Variants in MRPS28 observed in about 807,000 individuals in gnomAD.
The protein encoded by MRPS28 is small ribosomal subunit protein bS1m.
A neutral mutation model predicts 10.8 loss-of-function variants in MRPS28; 7 were observed. The observed-to-expected ratio is 0.65, with a 90% CI of 0.37 to 1.22. MRPS28 has a LOEUF of 1.22. MRPS28 is among the 50% of genes most tolerant of loss of function. The probability of loss-of-function intolerance (pLI) is 0.02; values close to 1 mark genes in which losing one functional copy is unlikely to be tolerated. For synonymous variants in MRPS28, 121 were observed against 93.3 expected, an observed-to-expected ratio of 1.30 and a Z score of -1.71; for missense variants, 265 against 232.9, an observed-to-expected ratio of 1.14 and a Z score of -0.90.
At chr8:80,005,770 A>C (rs1391472690) in intron 1 of MRPS28, among the ~76,000 whole-genome samples, 1 of 152,216 alleles carries the variant, frequency 6.6e-6, no homozygotes, top group East Asian at 1.9e-4. Flanking sequence ...CATAGGCTCA[A>C]AATAAAGGGA....
intron 2 of MRPS28, among the ~76,000 whole-genome samples, chr8:79,930,252 T>C (rs1806427689): frequency 6.6e-6 from 1 of 152,212 alleles, no homozygotes; most frequent in African/African-American, 2.4e-5. Context: ...TATTTTAGTA[T>C]ATTAATCACT....
intron 2 of MRPS28, among the ~76,000 whole-genome samples, chr8:79,922,086 T>C (rs1404476155): frequency 2.0e-5 from 3 of 152,234 alleles, no homozygotes; most frequent in Non-Finnish European, 2.9e-5. Flanking sequence ...ATTACGTTTA[T>C]TGATTTGCTA....
chr8:79,977,671 G>C (rs1807839720), intron 2 of MRPS28, among the ~76,000 whole-genome samples: 1 of 152,056 alleles, frequency 6.6e-6, no homozygotes, highest in South Asian at 2.1e-4. Context: ...ACAAAAATTA[G>C]CCAGGTGTGG....
At chr8:79,964,897 A>C (rs1043492358) in intron 2 of MRPS28, among the ~76,000 whole-genome samples, 3 of 152,092 alleles carry the variant, frequency 2.0e-5, no homozygotes, top group African/African-American at 7.2e-5. Context: ...TGCCATATTC[A>C]TGACTACAAG....
At chr8:79,995,079 A>G (rs1182281314) in intron 2 of MRPS28, among the ~76,000 whole-genome samples, 1 of 152,134 alleles carries the variant, frequency 6.6e-6, no homozygotes, top group African/African-American at 2.4e-5. Context: ...AATGAACAGA[A>G]CTTATATGAT....
intron 1 of MRPS28, among the ~76,000 whole-genome samples, chr8:80,023,948 G>A (rs1809434282): frequency 6.6e-6 from 1 of 152,208 alleles, no homozygotes; most frequent in South Asian, 2.1e-4. Context: ...GAATGGGACG[G>A]CCTGGTGTGG....
intron 1 of MRPS28, among the ~76,000 whole-genome samples, chr8:80,021,853 C>A (rs1365145951): frequency 6.6e-6 from 1 of 152,168 alleles, no homozygotes; most frequent in Admixed American, 6.5e-5. Flanking sequence ...AGAGCCCCTG[C>A]ACCCTTACCC....
At chr8:79,934,966 T>G (rs909698282) in intron 2 of MRPS28, among the ~76,000 whole-genome samples, 1 of 152,236 alleles carries the variant, frequency 6.6e-6, no homozygotes, top group African/African-American at 2.4e-5. Flanking sequence ...TGTTAAAAAC[T>G]AGTGCTTGCA....
Position 79,918,803 on chromosome 8 carries a change from C to T in MRPS28, c.*177G>A. 3.6e-6 allele frequency: 1 copy of T among 281,134 alleles called. No individual in the cohort carries two copies. Among genetic ancestry groups the T allele is most frequent in the Non-Finnish European group, 6.0e-6 (1 of 166,734 alleles). The allele number at this position is 281,134 out of a possible 1,614,324, so 17.4% of individuals were successfully genotyped here. A position where few individuals can be genotyped will look rare whatever the true frequency, so the allele number is the denominator to read the frequency against. ...CACCAAAGGAAAAAAACATTAAGAG[C>T]AAAACAAGGGGTGGGGGGTGGGAAT... On this transcript the variant is annotated 3_prime_UTR_variant, in exon 3 of 3. Coordinates refer to ENST00000276585, the MANE Select transcript of MRPS28 (RefSeq NM_014018.3).
At position 79,947,340 on chromosome 8, in the gene MRPS28, A is replaced by G. The variant is rs191677119; in HGVS notation, c.396-28192T>C. 1.8e-3 allele frequency among the ~76,000 whole-genome samples: 280 copies of G among 152,332 alleles called. 4 individuals carry two copies. The highest frequency in any genetic ancestry group is 6.3e-3 in the African/African-American group (262 of 41,586). On this transcript the variant is annotated intron_variant, in intron 2 of 2. Transcript: ENST00000276585. ...CATACTGTATTGTTACAATTTTACAATATGTATTGAAACCAGGTAAAAAAC... is the reference window on the plus strand; with the variant it reads ...CATACTGTATTGTTACAATTTTACAGTATGTATTGAAACCAGGTAAAAAAC...
At chr8:79,930,094 A>T (rs569344729) in intron 2 of MRPS28, among the ~76,000 whole-genome samples, 5 of 152,210 alleles carry the variant, frequency 3.3e-5, no homozygotes, top group Non-Finnish European at 7.3e-5. Flanking sequence ...GACTTATTAC[A>T]GATAAAGATA....
intron 2 of MRPS28, among the ~76,000 whole-genome samples, chr8:79,944,467 G>A (rs1328294731): frequency 6.6e-6 from 1 of 152,114 alleles, no homozygotes; most frequent in African/African-American, 2.4e-5. Context: ...ACGTTTATAT[G>A]TGCAGCAAAA....
chr8:79,944,680 T>C (rs2129944865), intron 2 of MRPS28, among the ~76,000 whole-genome samples: 1 of 134,704 alleles, frequency 7.4e-6, no homozygotes. Flanking sequence ...TTTAAAGCCA[T>C]AATTTTTCTT....
intron 2 of MRPS28, among the ~76,000 whole-genome samples, chr8:79,967,130 A>C (rs1227626492): frequency 6.6e-6 from 1 of 152,196 alleles, no homozygotes; most frequent in East Asian, 1.9e-4. Flanking sequence ...CAGGCAAGAA[A>C]GAGAATGAGA....
At chr8:79,968,308 C>T (rs1807549535) in intron 2 of MRPS28, among the ~76,000 whole-genome samples, 1 of 152,158 alleles carries the variant, frequency 6.6e-6, no homozygotes, top group Non-Finnish European at 1.5e-5. Flanking sequence ...AAGTTCGTCA[C>T]AGGCTACAGC....
intron 2 of MRPS28, among the ~76,000 whole-genome samples, chr8:79,966,837 C>T (rs1336486720): frequency 6.6e-6 from 1 of 152,042 alleles, no homozygotes; most frequent in Non-Finnish European, 1.5e-5. Context: ...TGATAATAAA[C>T]CTGTTCTATC....
At chr8:80,006,294 T>C (rs1483652963) in intron 1 of MRPS28, among the ~76,000 whole-genome samples, 1 of 152,160 alleles carries the variant, frequency 6.6e-6, no homozygotes, top group Non-Finnish European at 1.5e-5. Flanking sequence ...CAGACCACAG[T>C]GCAATCAAAC....
rs565366299 is a variant in MRPS28, at chr8:79,967,167, G to A, written c.395+35832C>T. 5.9e-5 allele frequency among the ~76,000 whole-genome samples: 9 copies of A among 152,280 alleles called. 1 individual carries two copies. Among genetic ancestry groups the A allele is most frequent in the Non-Finnish European group, 1.0e-4 (7 of 68,008 alleles). On this transcript the variant is annotated intron_variant, in intron 2 of 2. Transcript: ENST00000276585. ...CAGGAAGTATTAGTGTATGGATATT[G>A]AGTCTTGGCTCCTAGAAACTGAGAA...
chr8:79,941,166 A>C (rs903345142), intron 2 of MRPS28, among the ~76,000 whole-genome samples: 17 of 152,188 alleles, frequency 1.1e-4, no homozygotes, highest in Non-Finnish European at 2.9e-5. Context: ...AAAATTTTAA[A>C]TCAGATTAGT....
Sources: gnomAD v4.1 joint callset for allele counts (sites outside exome capture counted in the v4.1 genomes callset) on GRCh38, gnomAD v4.1.1 for gene constraint, MANE v1.5 for transcripts, NCBI Gene and HGNC (gene_info 2026-07-23, HGNC 2026-07-21) for gene names.